ATAD3C: variants seen among roughly 807,000 people sequenced by gnomAD.
The protein encoded by ATAD3C is ATPase family AAA domain-containing protein 3C.
In ATAD3C, 38 loss-of-function variants were observed where a neutral mutation model predicts 46.3. The ratio of observed to expected loss-of-function variants is 0.82; its 90% CI spans 0.63 to 1.08. The LOEUF is 1.08. ATAD3C is among the 50% of genes least tolerant of loss of function. The pLI is 0.00. For synonymous variants in ATAD3C, 220 were observed against 236.4 expected (o/e 0.93, Z 0.63); for missense variants, 563 against 572.7 (o/e 0.98, Z 0.17).
At position 1,454,056 on chromosome 1, in the gene ATAD3C, C is replaced by T. The variant is rs147622705; in HGVS notation, c.223-289C>T. Among the ~76,000 whole-genome samples, 616 of 152,182 alleles carry T rather than the reference C, an allele frequency of 4.0e-3. 9 individuals are homozygous for T. The highest frequency in any genetic ancestry group is 0.014 in the African/African-American group (594 of 41,548). On this transcript the variant is annotated intron_variant, in intron 3 of 11. Transcript: ENST00000378785. ...CGAGGGTGTGGCCCTGTGACATATC[C>T]AGCTGGGTCTGCCCAGGGCCCCGCT... is the stretch of plus-strand genomic sequence containing the variant.
intron 8 of ATAD3C, among the ~76,000 whole-genome samples, chr1:1,458,336 G>A (rs11485868): frequency 0.013 from 1,928 of 151,348 alleles, 54 homozygotes; most frequent in African/African-American, 0.044. Flanking sequence ...GTGCAATGGC[G>A]CGATCTTGGC....
intron 4 of ATAD3C, 149 bp downstream of exon 4, chr1:1,454,649 T>C: frequency 7.7e-7 from 1 of 1,302,980 alleles, no homozygotes; most frequent in Non-Finnish European, 1.0e-6. Flanking sequence ...GGTTTTCCTG[T>C]CTGGCGCTGT....
At chr1:1,461,262 A>T (rs1403156470) in intron 10 of ATAD3C, among the ~76,000 whole-genome samples, 1 of 151,782 alleles carries the variant, frequency 6.6e-6, no homozygotes, top group African/African-American at 2.4e-5. Flanking sequence ...ATCTCAGCTG[A>T]CTGCAACCCC....
rs749824573 is a variant in ATAD3C, at chr1:1,450,696, G to A, written c.13G>A (p.Ala5Thr). The A allele has an allele frequency of 1.4e-5, 22 of 1,612,804 alleles. No individual in the cohort carries two copies. Among genetic ancestry groups the A allele is most frequent in the Admixed American group, 3.3e-5 (2 of 59,890 alleles). Residue 5 changes from alanine (A) to threonine (T), a missense_variant, in exon 1 of 12, where the codon GCC becomes ACC. By Grantham distance (58) the Ala-to-Thr change is moderately conservative. Transcript: ENST00000378785. ...GCATCTGCAGGCCATGTCAAAGGAC[G>A]CCCTGAATCTGGCGCAGATGCAGGA... is the stretch of plus-strand genomic sequence containing the variant. MSKDALNLAQMQEQT... is the reference protein window; with the variant it reads MSKDTLNLAQMQEQT...
chr1:1,464,319 C>G (rs1361924339), intron 11 of ATAD3C, among the ~76,000 whole-genome samples: 1 of 151,740 alleles, frequency 6.6e-6, no homozygotes, highest in Non-Finnish European at 1.5e-5. Context: ...GGTGCCAGCT[C>G]GGTCCCTCCC....
chr1:1,457,832 C>T (rs940298820), intron 8 of ATAD3C, among the ~76,000 whole-genome samples: 3 of 151,430 alleles, frequency 2.0e-5, no homozygotes, highest in Non-Finnish European at 4.4e-5. Context: ...CATCCGCCAC[C>T]ACACCCAGCT....
At position 1,459,842 on chromosome 1, in the gene ATAD3C, GTCTCCTGGGTC is replaced by G. The variant is rs750827569; in HGVS notation, c.812+612_812+622del. ...AGTCCCCTAATTTTGAGTTTTCTTG[GTCTCCTGGGTC>G]CCTCCAGCCCCAGTCACGTGTCACA... On this transcript the variant is annotated intron_variant, in intron 9 of 11. Coordinates refer to ENST00000378785, the MANE Select transcript of ATAD3C (RefSeq NM_001039211.3). The surrounding 1 kb of genome is among the most constrained non-coding windows in gnomAD (Gnocchi z 4.9). 6.6e-6 allele frequency among the ~76,000 whole-genome samples: 1 copy of G among 151,948 alleles called. No homozygotes were observed. The highest frequency in any genetic ancestry group is 1.5e-5 in the Non-Finnish European group (1 of 67,952).
In ATAD3C at chr1:1,451,972, C is replaced by T. The variant is rs954539077; in HGVS notation, c.76-74C>T. 65 of 1,579,140 alleles carry T rather than the reference C, an allele frequency of 4.1e-5. 1 individual carries two copies. The highest frequency in any genetic ancestry group is 4.6e-5 in the South Asian group (4 of 87,496). ...TGGAGCCCTGCGGTCCTGGGGCGGACGCAACCTCTGGATTGGTGTTGAGCA... is the reference window on the plus strand; with the variant it reads ...TGGAGCCCTGCGGTCCTGGGGCGGATGCAACCTCTGGATTGGTGTTGAGCA... On this transcript the variant is annotated intron_variant, in intron 1 of 11. Transcript: ENST00000378785.
intron 8 of ATAD3C, among the ~76,000 whole-genome samples, chr1:1,458,797 G>C (rs535456893): frequency 2.7e-5 from 4 of 150,822 alleles, no homozygotes; most frequent in South Asian, 4.2e-4. Context: ...ATTTCAGCTC[G>C]CTGCAACCTC....
chr1:1,459,061 G>A lies in ATAD3C; in HGVS notation c.742-100G>A. The A allele has an allele frequency of 1.3e-6, 2 of 1,564,564 alleles. No individual in the cohort carries two copies. Among genetic ancestry groups the A allele is most frequent in the East Asian group, 4.6e-5 (2 of 43,626 alleles). ...TCTAGATCCGTGAAAGTGTCGCCAT[G>A]TCCCTGCTCCCTGCAGGAGGGAGGC... On this transcript the variant is annotated intron_variant, in intron 8 of 11. Transcript: ENST00000378785. This position sits in a 1 kb window ranked among gnomAD's most constrained non-coding sequence, Gnocchi z 4.9.
chr1:1,462,034 TC>T lies in ATAD3C; in HGVS notation c.981-562del, dbSNP rs1639077355. Among the ~76,000 whole-genome samples, 1 of 151,836 alleles carries T rather than the reference TC, an allele frequency of 6.6e-6. No individual in the cohort carries two copies. The highest frequency in any genetic ancestry group is 2.4e-5 in the African/African-American group (1 of 41,256). On this transcript the variant is annotated intron_variant, in intron 10 of 11. Coordinates refer to ENST00000378785, the MANE Select transcript of ATAD3C (RefSeq NM_001039211.3). The surrounding 1 kb of genome is among the most constrained non-coding windows in gnomAD (Gnocchi z 4.5). ...GCAGAGGCTGCTCTACTTCTTGGCG[TC>T]CCCAGGGCCCCGGTTTCTGAGTCCT... is the stretch of plus-strand genomic sequence containing the variant.
In ATAD3C at chr1:1,450,907, A is replaced by G. The variant is rs969616236; in HGVS notation, c.75+149A>G. The G allele has an allele frequency of 7.2e-5, 97 of 1,344,580 alleles. No individual in the cohort carries two copies. In the Admixed American group the frequency reaches 2.0e-3, roughly 28 times the overall value. The allele number at this position is 1,344,580 out of a possible 1,614,324, so 83.3% of individuals were successfully genotyped here. ...GCCAAGCTTGGGCGCCTCATTTCAC[A>G]GAAGGAAACAAGGGGAGGTGAGAGA... On this transcript the variant is annotated intron_variant, in intron 1 of 11. Transcript: ENST00000378785.
chr1:1,457,120 C>T lies in ATAD3C; in HGVS notation c.690-9C>T, dbSNP rs546627233. On this transcript the variant is annotated splice_polypyrimidine_tract_variant and intron_variant, in intron 7 of 11. Coordinates refer to ENST00000378785, the MANE Select transcript of ATAD3C (RefSeq NM_001039211.3). The stretch of plus-strand genomic sequence containing the variant: ...CTCTCACCCAGCTTGGCCTCCCTCT[C>T]GTCCACAGCCTCCTGCTCTTTGTGG... The T allele has an allele frequency of 2.4e-5, 38 of 1,613,414 alleles. No homozygotes were observed. Among genetic ancestry groups the T allele is most frequent in the East Asian group, 1.6e-4 (7 of 44,878 alleles).
rs566455913 is a variant in ATAD3C at position 1,470,047 on chromosome 1, C to T, written c.*1517C>T. On this transcript the variant is annotated 3_prime_UTR_variant, in exon 12 of 12. Coordinates refer to ENST00000378785, the MANE Select transcript of ATAD3C (RefSeq NM_001039211.3). ...CGCAAAACATTGTCCCTAACTCCAC[C>T]GCCTATCCCAAAACCTGTAAGAACT... The T allele has an allele frequency of 4.6e-5, 7 of 152,088 alleles. No homozygotes were observed. Among genetic ancestry groups the T allele is most frequent in the East Asian group, 1.9e-4 (1 of 5,192 alleles). 9.4% of individuals were successfully genotyped at this position (152,088 alleles called of 1,614,324 possible).
At position 1,469,826 on chromosome 1, in the gene ATAD3C, A is replaced by G. The variant is rs1370147473; in HGVS notation, c.*1296A>G. ...TATCTCCTGTGACCTGCACTTATAC[A>G]TCCAGATGGCCTGAAGCAACTGAAG... On this transcript the variant is annotated 3_prime_UTR_variant, in exon 12 of 12. Transcript: ENST00000378785. 1 of 151,886 alleles carries G rather than the reference A, an allele frequency of 6.6e-6. No individual in the cohort carries two copies. Among genetic ancestry groups the G allele is most frequent in the Non-Finnish European group, 1.5e-5 (1 of 67,946 alleles). 9.4% of individuals were successfully genotyped at this position (151,886 alleles called of 1,614,324 possible). A position where few individuals can be genotyped will look rare whatever the true frequency, so the allele number is the denominator to read the frequency against.
chr1:1,450,964 C>T lies in ATAD3C; in HGVS notation c.75+206C>T, dbSNP rs531571548. ...CGCAGAGCCGCCCGAGAGGGAGGGCCGGTGTTGGTGAGGGCGTCTGGTCGT... is the reference window on the plus strand; with the variant it reads ...CGCAGAGCCGCCCGAGAGGGAGGGCTGGTGTTGGTGAGGGCGTCTGGTCGT... On this transcript the variant is annotated intron_variant, in intron 1 of 11. Transcript: ENST00000378785. 1.7e-4 allele frequency among the ~76,000 whole-genome samples: 26 copies of T among 151,904 alleles called. 1 individual carries two copies. Among genetic ancestry groups the T allele is most frequent in the Admixed American group, 3.3e-4 (5 of 15,250 alleles).
chr1:1,462,007 G>A lies in ATAD3C; in HGVS notation c.981-593G>A, dbSNP rs373252375. Among the ~76,000 whole-genome samples, 9 of 152,062 alleles carry A rather than the reference G, an allele frequency of 5.9e-5. No individual in the cohort carries two copies. The highest frequency in any genetic ancestry group is 4.1e-4 in the South Asian group (2 of 4,820). ...TGGCTGCCTCGGGAACACTCCAGAT[G>A]AGCAGAGGCTGCTCTACTTCTTGGC... On this transcript the variant is annotated intron_variant, in intron 10 of 11. Transcript: ENST00000378785. The surrounding 1 kb of genome is among the most constrained non-coding windows in gnomAD (Gnocchi z 4.5).
intron 1 of ATAD3C, among the ~76,000 whole-genome samples, chr1:1,451,800 G>A (rs554482050): frequency 6.6e-6 from 1 of 152,066 alleles, no homozygotes; most frequent in African/African-American, 2.4e-5. Context: ...AGTGGCCCTT[G>A]TCAGGGAAGC....
rs1610766 is a variant in ATAD3C, at chr1:1,454,415, A to G, written c.293A>G (p.Tyr98Cys). The G allele has an allele frequency of 2.5e-6, 4 of 1,608,238 alleles. No homozygotes were observed. In the South Asian group the frequency reaches 4.4e-5, roughly 18 times the overall value. Residue 98 changes from tyrosine to cysteine, a missense_variant, in exon 4 of 12, where the codon TAC (tyrosine) becomes TGC (cysteine). Physicochemically the swap from Tyr to Cys is radical, Grantham distance 194 (BLOSUM62 -2). Coordinates refer to ENST00000378785, the MANE Select transcript of ATAD3C (RefSeq NM_001039211.3). The stretch of plus-strand genomic sequence containing the variant: ...AATGCGACAGCCGTCACTGGCCGCT[A>G]CATCGAGGCTCGGCTGGGGAAGCCG... ...AKNATAVTGR[Y>C]IEARLGKPSL...
Sources: allele counts gnomAD v4.1 joint callset (sites outside exome capture counted in the v4.1 genomes callset), GRCh38; gene constraint gnomAD v4.1.1; non-coding constraint Gnocchi (gnomAD v3.1); transcripts MANE v1.5; gene names NCBI Gene and HGNC (gene_info 2026-07-23, HGNC 2026-07-21).